Variants in RSBN1 observed in about 807,000 individuals in gnomAD.
RSBN1 encodes lysine-specific demethylase 9.
A neutral mutation model predicts 74.8 loss-of-function variants in RSBN1; 23 were observed. The ratio of observed to expected loss-of-function variants is 0.31; its 90% CI spans 0.22 to 0.44. RSBN1 has a LOEUF of 0.44. RSBN1 is among the 20% of genes least tolerant of loss of function. The pLI is 1.00. For missense variants in RSBN1, 808 were observed against 1,020.9 expected, an observed-to-expected ratio of 0.79 and a Z score of 2.84; for synonymous variants, 407 against 379.6, an observed-to-expected ratio of 1.07 and a Z score of -0.84.
intron 1 of RSBN1, 94 bp from the exon 2 acceptor site, chr1:113,798,130 C>T: frequency 9.2e-7 from 1 of 1,091,538 alleles, no homozygotes; most frequent in East Asian, 2.4e-5. Context: ...AGCCTATCCT[C>T]AATTTCTCTG....
chr1:113,810,085 T>C (rs1324730173), intron 1 of RSBN1, among the ~76,000 whole-genome samples: 2 of 152,118 alleles, frequency 1.3e-5, no homozygotes, highest in East Asian at 3.8e-4. Context: ...AAAGCCACTG[T>C]AATGTCAAAG....
intron 1 of RSBN1, among the ~76,000 whole-genome samples, chr1:113,799,584 AC>A (rs1343097896): frequency 6.7e-6 from 1 of 149,542 alleles, no homozygotes; most frequent in African/African-American, 2.5e-5. Context: ...ACACACACAC[AC>A]ACACACACAC....
intron 2 of RSBN1, among the ~76,000 whole-genome samples, chr1:113,778,143 T>C (rs1314466527): frequency 6.6e-6 from 1 of 152,096 alleles, no homozygotes; most frequent in African/African-American, 2.4e-5. Flanking sequence ...AAAAAACATA[T>C]AAAAGTAAAA....
intron 6 of RSBN1, 105 bp downstream of exon 6, chr1:113,766,994 A>T: frequency 1.7e-6 from 1 of 605,908 alleles, no homozygotes; most frequent in Non-Finnish European, 2.8e-6. Flanking sequence ...TAATAAAATT[A>T]AACTCACTAT....
chr1:113,795,410 G>T (rs952324395), intron 2 of RSBN1, among the ~76,000 whole-genome samples: 1 of 152,164 alleles, frequency 6.6e-6, no homozygotes, highest in South Asian at 2.1e-4. Flanking sequence ...CATGAAGTGC[G>T]AAATCAATTT....
Position 113,812,155 on chromosome 1 carries a change from T to G in RSBN1, c.258A>C (p.Lys86Asn). Residue 86 changes from lysine to asparagine, a missense_variant, in exon 1 of 7, where the codon AAA (lysine) becomes AAC (asparagine). By Grantham distance (94) the Lys-to-Asn change is moderately conservative. Around this residue, in one of 6 missense-constraint regions of RSBN1, gnomAD observed 464 missense variants for 401.0 expected, o/e 1.16. Transcript: ENST00000261441. ...CCCCACTGCTAGATCGGCGCTGCCG[T>G]TTAACTCCCCGCGGGGAGACCCCAG... ...PHAGVSPRGV[K>N]RQRRSSSGGS... The G allele has an allele frequency of 3.1e-6, 5 of 1,608,656 alleles. No individual in the cohort carries two copies. The highest frequency in any genetic ancestry group is 3.4e-6 in the Non-Finnish European group (4 of 1,179,530).
In RSBN1 at chr1:113,808,329, G is replaced by C. The variant is rs1660754862; in HGVS notation, c.703+3381C>G. On this transcript the variant is annotated intron_variant, in intron 1 of 6. Coordinates refer to ENST00000261441, the MANE Select transcript of RSBN1 (RefSeq NM_018364.5). ...CAATGTACATGCTATATAAATAATTGTTATACTGTATTGTTTAGGGAACAG... is the reference window on the plus strand; with the variant it reads ...CAATGTACATGCTATATAAATAATTCTTATACTGTATTGTTTAGGGAACAG... 5.3e-5 allele frequency among the ~76,000 whole-genome samples: 8 copies of C among 152,056 alleles called. No homozygotes were observed. In the South Asian group the frequency reaches 1.5e-3, roughly 28 times the overall value.
At position 113,789,279 on chromosome 1, in the gene RSBN1, T is replaced by A. The variant is rs1354758155; in HGVS notation, c.1377+8084A>T. ...AAAAACTGAAGAGGTTCTGAGAGCA[T>A]CTGGATAGCTGAACATGTGGAAGCA... On this transcript the variant is annotated intron_variant, in intron 2 of 6. Transcript: ENST00000261441. Among the ~76,000 whole-genome samples, 5 of 152,026 alleles carry A rather than the reference T, an allele frequency of 3.3e-5. No individual in the cohort carries two copies. The East Asian group carries it at 9.7e-4, about 29-fold the overall frequency.
chr1:113,785,859 C>A (rs1402684578), intron 2 of RSBN1, among the ~76,000 whole-genome samples: 1 of 152,102 alleles, frequency 6.6e-6, no homozygotes, highest in Non-Finnish European at 1.5e-5. Context: ...AAAGATGAGA[C>A]TGGAAAAATC....
At chr1:113,804,120 GA>G (rs1387593604) in intron 1 of RSBN1, among the ~76,000 whole-genome samples, 8 of 149,144 alleles carry the variant, frequency 5.4e-5, no homozygotes, top group Admixed American at 6.8e-5. Context: ...CCCCGTCTCA[GA>G]AAAAAAAAAA....
intron 2 of RSBN1, among the ~76,000 whole-genome samples, chr1:113,790,714 T>C (rs1660347665): frequency 6.6e-6 from 1 of 152,220 alleles, no homozygotes. Flanking sequence ...TCTTAGTTTA[T>C]GATGCTCTGA....
intron 2 of RSBN1, among the ~76,000 whole-genome samples, chr1:113,779,411 T>A (rs943406983): frequency 6.6e-6 from 1 of 152,104 alleles, no homozygotes; most frequent in Non-Finnish European, 1.5e-5. Context: ...GGGGTAGGGA[T>A]TTTTTAATTC....
rs529097370 is a variant in RSBN1 at position 113,786,071 on chromosome 1, T to C, written c.1378-8263A>G. On this transcript the variant is annotated intron_variant, in intron 2 of 6. Transcript: ENST00000261441. ...AATAAGAAATGTTAGGCTAAGCTAATAACTTGATTTTAAATAGGGACTTCT... is the reference window on the plus strand; with the variant it reads ...AATAAGAAATGTTAGGCTAAGCTAACAACTTGATTTTAAATAGGGACTTCT... Among the ~76,000 whole-genome samples the C allele has an allele frequency of 2.0e-5, 3 of 152,308 alleles. No individual in the cohort carries two copies. In the East Asian group the frequency reaches 5.8e-4, roughly 29 times the overall value.
intron 2 of RSBN1, among the ~76,000 whole-genome samples, chr1:113,779,803 A>G (rs1660101123): frequency 6.6e-6 from 1 of 151,196 alleles, no homozygotes; most frequent in Non-Finnish European, 1.5e-5. Flanking sequence ...CAGGTGTATC[A>G]TGATGTCAGG....
At chr1:113,780,182 A>C (rs1038696970) in intron 2 of RSBN1, among the ~76,000 whole-genome samples, 8 of 152,236 alleles carry the variant, frequency 5.3e-5, no homozygotes, top group African/African-American at 1.9e-4. Flanking sequence ...TTTCCCAGCC[A>C]GAAGTGACTC....
intron 4 of RSBN1, among the ~76,000 whole-genome samples, chr1:113,775,552 G>C (rs1211799719): frequency 6.6e-6 from 1 of 151,292 alleles, no homozygotes; most frequent in Non-Finnish European, 1.5e-5. Flanking sequence ...GCCCAGGCTG[G>C]TCTTGAACTC....
intron 1 of RSBN1, among the ~76,000 whole-genome samples, chr1:113,799,704 T>C (rs1248712081): frequency 6.6e-6 from 1 of 152,186 alleles, no homozygotes; most frequent in Non-Finnish European, 1.5e-5. Context: ...TGCTTATCTG[T>C]ATTTTCTAAT....
chr1:113,798,004 C>T lies in RSBN1; in HGVS notation c.736G>A (p.Ala246Thr), dbSNP rs749598556. ...TPDENGKTQR[A>T]DDFVLKKIKK... ...ATTTTCTTCAAGACAAAATCATCGGCTCTCTGGGTTTTACCATTTTCATCT... is the reference window on the plus strand; with the variant it reads ...ATTTTCTTCAAGACAAAATCATCGGTTCTCTGGGTTTTACCATTTTCATCT... Residue 246 changes from alanine (A) to threonine (T), a missense_variant, in exon 2 of 7, where the codon GCC becomes ACC. Physicochemically the swap from Ala to Thr is moderately conservative, Grantham distance 58. Coordinates refer to ENST00000261441, the MANE Select transcript of RSBN1 (RefSeq NM_018364.5). 6 of 1,608,800 alleles carry T rather than the reference C, an allele frequency of 3.7e-6. No individual in the cohort carries two copies. In the East Asian group the frequency reaches 1.3e-4, roughly 36 times the overall value.
intron 1 of RSBN1, among the ~76,000 whole-genome samples, chr1:113,802,015 C>T (rs576393215): frequency 1.6e-4 from 24 of 150,792 alleles, no homozygotes; most frequent in African/African-American, 4.4e-4. Flanking sequence ...AGGGCAGTGG[C>T]GCAATCTCGG....
Sources: gnomAD v4.1 joint callset for allele counts (sites outside exome capture counted in the v4.1 genomes callset) on GRCh38, gnomAD v4.1.1 for gene constraint, gnomAD v4.1.1 regional missense constraint, MANE v1.5 for transcripts, NCBI Gene and HGNC (gene_info 2026-07-23, HGNC 2026-07-21) for gene names.